KCNH8: variants seen among roughly 807,000 people sequenced by gnomAD.
KCNH8 encodes the protein potassium voltage-gated channel subfamily H member 8.
In KCNH8, 70 loss-of-function variants were observed where a neutral mutation model predicts 103.6. That is an observed-to-expected ratio of 0.68 (90% CI 0.56 to 0.82). The LOEUF (loss-of-function observed/expected upper bound fraction) is 0.82, where lower values mean the gene tolerates loss of function less well. Ranked by LOEUF, KCNH8 falls within the 40% of genes least tolerant of loss-of-function variation. The pLI, the probability that KCNH8 is intolerant of heterozygous loss-of-function variation, is 0.00. For synonymous variants in KCNH8, 498 were observed against 489.4 expected (o/e 1.02, Z -0.23); for missense variants, 1,217 against 1,329.9 (o/e 0.92, Z 1.32).
At chr3:19,390,231 T>A (rs2066416860) in intron 5 of KCNH8, among the ~76,000 whole-genome samples, 1 of 152,102 alleles carries the variant, frequency 6.6e-6, no homozygotes, top group Non-Finnish European at 1.5e-5. Flanking sequence ...CTTTCACCCT[T>A]CTTCAGTATC....
chr3:19,182,525 C>T (rs1279221587), intron 1 of KCNH8, among the ~76,000 whole-genome samples: 2 of 152,112 alleles, frequency 1.3e-5, no homozygotes, highest in Admixed American at 6.5e-5. Context: ...AGCGAGACTC[C>T]GTCCCCCCAA....
chr3:19,428,167 G>C (rs890581812), intron 7 of KCNH8, among the ~76,000 whole-genome samples: 9 of 152,068 alleles, frequency 5.9e-5, no homozygotes, highest in African/African-American at 2.2e-4. Context: ...ATACATAGTA[G>C]GATTAAATTA....
intron 5 of KCNH8, among the ~76,000 whole-genome samples, chr3:19,381,375 A>G (rs2066285995): frequency 6.6e-6 from 1 of 152,244 alleles, no homozygotes; most frequent in African/African-American, 2.4e-5. Context: ...ATCACAAAAT[A>G]TACAAAATCA....
chr3:19,452,127 G>A (rs1033784071), intron 10 of KCNH8, among the ~76,000 whole-genome samples: 2 of 152,174 alleles, frequency 1.3e-5, no homozygotes, highest in Non-Finnish European at 2.9e-5. Flanking sequence ...GCTCATGCCT[G>A]TAATCCTAGC....
chr3:19,198,934 C>T (rs995716490), intron 1 of KCNH8, among the ~76,000 whole-genome samples: 1 of 151,894 alleles, frequency 6.6e-6, no homozygotes, highest in Non-Finnish European at 1.5e-5. Flanking sequence ...CAAACAAGGC[C>T]ACTGCCTGGA....
At chr3:19,240,041 T>A (rs1465028771) in intron 1 of KCNH8, among the ~76,000 whole-genome samples, 1 of 152,162 alleles carries the variant, frequency 6.6e-6, no homozygotes, top group African/African-American at 2.4e-5. Context: ...ATACTGCAGA[T>A]CATATTTAAA....
intron 3 of KCNH8, among the ~76,000 whole-genome samples, chr3:19,310,072 T>C (rs1481634786): frequency 6.6e-6 from 1 of 151,996 alleles, no homozygotes. Context: ...GGGCTATGCC[T>C]TTGCATTCTT....
At chr3:19,156,080 G>A (rs1164414752) in intron 1 of KCNH8, among the ~76,000 whole-genome samples, 1 of 152,158 alleles carries the variant, frequency 6.6e-6, no homozygotes, top group Non-Finnish European at 1.5e-5. Context: ...AGTTTTGAGA[G>A]AGAATACTGG....
chr3:19,300,922 C>A (rs1330121159), intron 3 of KCNH8, among the ~76,000 whole-genome samples: 2 of 150,744 alleles, frequency 1.3e-5, no homozygotes, highest in Non-Finnish European at 3.0e-5. Context: ...TTTTTTAAAG[C>A]CTTTCTAGTA....
At chr3:19,238,214 G>A (rs114037826) in intron 1 of KCNH8, among the ~76,000 whole-genome samples, 3,603 of 152,194 alleles carry the variant, frequency 0.024, 139 homozygotes, top group African/African-American at 0.081. Flanking sequence ...GTGACCTTTT[G>A]GATAGCCTTA....
At chr3:19,467,153 G>A (rs114716113) in intron 11 of KCNH8, among the ~76,000 whole-genome samples, 1 of 152,050 alleles carries the variant, frequency 6.6e-6, no homozygotes, top group Non-Finnish European at 1.5e-5. Flanking sequence ...AGGTATGCCT[G>A]TATCATAACT....
chr3:19,258,581 C>T (rs980988653), intron 2 of KCNH8, among the ~76,000 whole-genome samples: 2 of 151,958 alleles, frequency 1.3e-5, no homozygotes, highest in Non-Finnish European at 2.9e-5. Flanking sequence ...CTGAACTTAA[C>T]ATGCAGAGTG....
intron 1 of KCNH8, among the ~76,000 whole-genome samples, chr3:19,187,502 A>T (rs2063514311): frequency 6.6e-6 from 1 of 152,048 alleles, no homozygotes; most frequent in South Asian, 2.1e-4. Flanking sequence ...ACCTCAGTTG[A>T]TCACCCACTT....
chr3:19,531,239 T>A (rs2069156112), intron 15 of KCNH8, among the ~76,000 whole-genome samples: 1 of 152,200 alleles, frequency 6.6e-6, no homozygotes, highest in Admixed American at 6.5e-5. Flanking sequence ...TCTCATTTAG[T>A]GGCAGCCTTG....
At chr3:19,303,194 A>C (rs529918603) in intron 3 of KCNH8, among the ~76,000 whole-genome samples, 1 of 152,318 alleles carries the variant, frequency 6.6e-6, no homozygotes, top group South Asian at 2.1e-4. Context: ...CCTGCAAATA[A>C]AAATGTCAGA....
chr3:19,417,312 C>T (rs1035834572), intron 7 of KCNH8, among the ~76,000 whole-genome samples: 7 of 150,848 alleles, frequency 4.6e-5, no homozygotes, highest in Non-Finnish European at 7.4e-5. Flanking sequence ...CTTGCCAGAA[C>T]CACAGTATTA....
intron 1 of KCNH8, among the ~76,000 whole-genome samples, chr3:19,182,477 G>A (rs930626125): frequency 6.6e-6 from 1 of 152,188 alleles, no homozygotes; most frequent in African/African-American, 2.4e-5. Flanking sequence ...CTTGCCGTGA[G>A]CCAAGATCGC....
chr3:19,176,706 A>G (rs925268183), intron 1 of KCNH8, among the ~76,000 whole-genome samples: 1 of 152,108 alleles, frequency 6.6e-6, no homozygotes, highest in Admixed American at 6.5e-5. Context: ...TTAATTTCAT[A>G]ACTATATTTC....
At position 19,534,294 on chromosome 3, in the gene KCNH8, GA is replaced by G. The variant is rs1053769664; in HGVS notation, c.*198del. On this transcript the variant is annotated 3_prime_UTR_variant, in exon 16 of 16. Transcript: ENST00000328405. ...ATTTCTAGATACTAGAAGCATAATA[GA>G]AACATTTTTCTGTACAGGTATTAAA... is the stretch of plus-strand genomic sequence containing the variant. 82 of 589,632 alleles carry G rather than the reference GA, an allele frequency of 1.4e-4. No individual in the cohort carries two copies. The highest frequency in any genetic ancestry group is 4.4e-4 in the Middle Eastern group (1 of 2,286). 36.5% of individuals were successfully genotyped at this position (589,632 alleles called of 1,614,324 possible).
Sources: allele counts gnomAD v4.1 joint callset (sites outside exome capture counted in the v4.1 genomes callset), GRCh38; gene constraint gnomAD v4.1.1; transcripts MANE v1.5; gene names NCBI Gene and HGNC (gene_info 2026-07-23, HGNC 2026-07-21).